Variants in ROBO1 observed in about 807,000 individuals in gnomAD.
ROBO1 encodes the protein roundabout guidance receptor 1, also known as roundabout homolog 1.
In ROBO1, 149 loss-of-function variants were observed where a neutral mutation model predicts 195.9. The ratio of observed to expected loss-of-function variants is 0.76; its 90% CI spans 0.67 to 0.87. The LOEUF (loss-of-function observed/expected upper bound fraction) is 0.87. Among genes scored for constraint, ROBO1 ranks in the 40% least tolerant of loss-of-function variants. The pLI is 0.00. For synonymous variants in ROBO1, 816 were observed against 733.2 expected (o/e 1.11, Z -1.82); for missense variants, 1,933 against 2,068.3 (o/e 0.93, Z 1.27).
chr3:79,733,952 CTTT>C (rs747730486), intron 1 of ROBO1, among the ~76,000 whole-genome samples: 2 of 138,770 alleles, frequency 1.4e-5, no homozygotes, highest in African/African-American at 2.7e-5. Flanking sequence ...ATCCTCCCAT[CTTT>C]TTTTTTTTTT....
At chr3:79,174,466 AC>A (rs1157094084) in intron 2 of ROBO1, among the ~76,000 whole-genome samples, 1 of 152,114 alleles carries the variant, frequency 6.6e-6, no homozygotes, top group Non-Finnish European at 1.5e-5. Context: ...TGTAACACTC[AC>A]CGCGAGGGTC....
intron 4 of ROBO1, among the ~76,000 whole-genome samples, chr3:78,877,283 T>C (rs2035910619): frequency 6.6e-6 from 1 of 152,108 alleles, no homozygotes; most frequent in African/African-American, 2.4e-5. Context: ...CCTCCAAGAA[T>C]ACATCTATTG....
At chr3:79,228,195 G>A (rs1034693413) in intron 2 of ROBO1, among the ~76,000 whole-genome samples, 2 of 152,062 alleles carry the variant, frequency 1.3e-5, no homozygotes, top group Non-Finnish European at 2.9e-5. Context: ...AGAAAAAGGA[G>A]AAAAAGAAGA....
intron 2 of ROBO1, among the ~76,000 whole-genome samples, chr3:79,417,308 A>G (rs537619147): frequency 1.1e-4 from 17 of 152,270 alleles, no homozygotes; most frequent in African/African-American, 4.1e-4. Flanking sequence ...AGAGGCTCAC[A>G]TAGCAAGAAA....
At chr3:78,682,664 TACGTATATATAC>T (rs1323947649) in intron 10 of ROBO1, among the ~76,000 whole-genome samples, 67 of 147,576 alleles carry the variant, frequency 4.5e-4, no homozygotes, top group African/African-American at 1.5e-3. Flanking sequence ...TGTGTATATA[TACGTATATATAC>T]ACGTATATAT....
chr3:79,249,221 G>A (rs188933862), intron 2 of ROBO1, among the ~76,000 whole-genome samples: 1 of 152,276 alleles, frequency 6.6e-6, no homozygotes, highest in Admixed American at 6.5e-5. Context: ...GCTGCTGGGT[G>A]GGCATTTTGA....
chr3:79,597,128 CGTGT>C (rs10597144), intron 1 of ROBO1, among the ~76,000 whole-genome samples: 128 of 149,356 alleles, frequency 8.6e-4, no homozygotes, highest in African/African-American at 2.7e-3. Flanking sequence ...TGTGCATGCA[CGTGT>C]GTGTGTGTGT....
intron 4 of ROBO1, among the ~76,000 whole-genome samples, chr3:78,827,518 G>A (rs531859170): frequency 6.6e-6 from 1 of 152,278 alleles, no homozygotes; most frequent in South Asian, 2.1e-4. Context: ...GTGGAATCAT[G>A]TTTTTCTAGT....
intron 3 of ROBO1, among the ~76,000 whole-genome samples, chr3:79,024,973 C>G (rs1168180651): frequency 6.6e-6 from 1 of 152,180 alleles, no homozygotes; most frequent in Non-Finnish European, 1.5e-5. Context: ...GCTCAAAACC[C>G]TCCAGTGGTT....
intron 2 of ROBO1, among the ~76,000 whole-genome samples, chr3:79,521,727 T>A (rs1346135589): frequency 6.6e-6 from 1 of 152,102 alleles, no homozygotes; most frequent in African/African-American, 2.4e-5. Flanking sequence ...GCCATATTTG[T>A]CACCACCCCC....
In ROBO1 at chr3:78,981,090, G is replaced by T. The variant is rs529915644; in HGVS notation, c.173-42163C>A. Reference sequence around the variant, plus strand: ...ATCCATTATAGAAATGAGAAAACTGGAGCATAAAATGTTTAAAAAAATTCG... The same window carrying T: ...ATCCATTATAGAAATGAGAAAACTGTAGCATAAAATGTTTAAAAAAATTCG... On this transcript the variant is annotated intron_variant, in intron 3 of 30. Transcript: ENST00000464233. Among the ~76,000 whole-genome samples the T allele has an allele frequency of 8.5e-5, 13 of 152,168 alleles. No homozygotes were observed. The East Asian group carries it at 2.5e-3, about 29-fold the overall frequency.
At chr3:78,909,529 G>A (rs749518914) in intron 4 of ROBO1, among the ~76,000 whole-genome samples, 2 of 151,704 alleles carry the variant, frequency 1.3e-5, no homozygotes, top group Non-Finnish European at 3.0e-5. Context: ...AGCATAACAA[G>A]CATCTTTTAT....
intron 2 of ROBO1, among the ~76,000 whole-genome samples, chr3:79,529,229 T>C (rs1277826291): frequency 6.6e-5 from 10 of 152,198 alleles, no homozygotes; most frequent in Admixed American, 4.6e-4. Flanking sequence ...ATGCCTGTAA[T>C]CCCAGCATTT....
intron 1 of ROBO1, among the ~76,000 whole-genome samples, chr3:79,605,985 T>A (rs1944468760): frequency 7.6e-6 from 1 of 132,224 alleles, no homozygotes; most frequent in Admixed American, 7.0e-5. Flanking sequence ...TACATATATG[T>A]GTGTGTGTAT....
intron 1 of ROBO1, among the ~76,000 whole-genome samples, chr3:79,667,195 C>T (rs533468367): frequency 1.3e-5 from 2 of 151,704 alleles, no homozygotes; most frequent in African/African-American, 4.8e-5. Context: ...TTTTTAAAGA[C>T]AAAAACATTT....
chr3:78,762,657 T>G (rs2083135281), intron 4 of ROBO1, among the ~76,000 whole-genome samples: 1 of 152,024 alleles, frequency 6.6e-6, no homozygotes, highest in South Asian at 2.1e-4. Context: ...CATAGCAATT[T>G]CCTCTTTAAC....
At chr3:79,748,785 G>A (rs2107464232) in intron 1 of ROBO1, among the ~76,000 whole-genome samples, 1 of 152,264 alleles carries the variant, frequency 6.6e-6, no homozygotes, top group South Asian at 2.1e-4. Context: ...CATGTAAGAT[G>A]TGACTTGCTC....
At chr3:78,849,112 T>G (rs2033865078) in intron 4 of ROBO1, among the ~76,000 whole-genome samples, 1 of 152,180 alleles carries the variant, frequency 6.6e-6, no homozygotes, top group South Asian at 2.1e-4. Context: ...TTTACTGATC[T>G]GGGGAATTCC....
At chr3:79,706,876 C>T (rs1947788810) in intron 1 of ROBO1, among the ~76,000 whole-genome samples, 1 of 152,066 alleles carries the variant, frequency 6.6e-6, no homozygotes, top group Non-Finnish European at 1.5e-5. Flanking sequence ...TGTTGTATAA[C>T]ACTTTTTCTA....
Sources: allele counts gnomAD v4.1 joint callset (sites outside exome capture counted in the v4.1 genomes callset), GRCh38; gene constraint gnomAD v4.1.1; transcripts MANE v1.5; gene names NCBI Gene and HGNC (gene_info 2026-07-23, HGNC 2026-07-21).